BPIFB1: variants seen among roughly 807,000 people sequenced by gnomAD.
BPIFB1 encodes BPI fold-containing family B member 1.
BPIFB1 carries 34 observed loss-of-function variants against 55.1 expected under a neutral mutation model. The ratio of observed to expected loss-of-function variants is 0.62; its 90% CI spans 0.47 to 0.82. The LOEUF is 0.82. BPIFB1 is among the 40% of genes least tolerant of loss of function. The pLI, the probability that BPIFB1 is intolerant of heterozygous loss-of-function variation, is 0.00. For synonymous variants in BPIFB1, 236 were observed against 245.3 expected, an observed-to-expected ratio of 0.96 and a Z score of 0.35; for missense variants, 532 against 593.1, an observed-to-expected ratio of 0.90 and a Z score of 1.07.
At position 33,308,467 on chromosome 20, in the gene BPIFB1, C is replaced by T. The variant is rs565327739; in HGVS notation, c.1396-1241C>T. Among the ~76,000 whole-genome samples, 3 of 151,618 alleles carry T rather than the reference C, an allele frequency of 2.0e-5. No homozygotes were observed. In the South Asian group the frequency reaches 6.3e-4, roughly 32 times the overall value. On this transcript the variant is annotated intron_variant, in intron 15 of 15. Coordinates refer to ENST00000253354, the MANE Select transcript of BPIFB1 (RefSeq NM_033197.3). ...ACACACATATACACACACACACGCA[C>T]ACCTTTATACACCTATACACATACA...
chr20:33,297,412 G>C, intron 6 of BPIFB1, 113 bp from the exon 7 acceptor site: 1 of 1,135,800 alleles, frequency 8.8e-7, no homozygotes, highest in Non-Finnish European at 1.3e-6. Context: ...AACCTGGCTG[G>C]CCATGGGCAC....
chr20:33,302,565 G>A (rs374607370), intron 10 of BPIFB1, 153 bp downstream of exon 10: 1 of 844,676 alleles, frequency 1.2e-6, no homozygotes. Context: ...AGTCTAGCAG[G>A]CCAGTTTGAC....
At position 33,301,368 on chromosome 20, in the gene BPIFB1, G is replaced by T. The variant is rs757178808; in HGVS notation, c.883G>T (p.Ala295Ser). Reference sequence around the variant, plus strand: ...GGACGTGGTGAAAGCTGCAGTGGCTGCTGTGCTCTCTCCAGAAGAATTCAT... The same window carrying T: ...GGACGTGGTGAAAGCTGCAGTGGCTTCTGTGCTCTCTCCAGAAGAATTCAT... ...SQDVVKAAVA[A>S]VLSPEEFMVL... is the part of the protein sequence containing the mutation. Residue 295 changes from alanine (A) to serine (S), a missense_variant, in exon 9 of 16, where the codon GCT becomes TCT. Ala to Ser is a moderately conservative substitution (Grantham distance 99, BLOSUM62 1). Transcript: ENST00000253354. 15 of 1,614,078 alleles carry T rather than the reference G, an allele frequency of 9.3e-6. No homozygotes were observed. The East Asian group carries it at 2.9e-4, about 31-fold the overall frequency.
chr20:33,294,425 T>C (rs1243506879), intron 6 of BPIFB1, among the ~76,000 whole-genome samples: 1 of 152,166 alleles, frequency 6.6e-6, no homozygotes, highest in Admixed American at 6.5e-5. Context: ...TGGCTTCTTA[T>C]AGGTAGAATG....
chr20:33,291,167 G>C, intron 5 of BPIFB1, 61 bp downstream of exon 5: 1 of 1,580,752 alleles, frequency 6.3e-7, no homozygotes, highest in Admixed American at 1.7e-5. Flanking sequence ...CCAGGCAGTG[G>C]ACTTCCCCCA....
At chr20:33,292,178 T>C (rs1980496734) in intron 6 of BPIFB1, among the ~76,000 whole-genome samples, 190 bp downstream of exon 6, 1 of 152,214 alleles carries the variant, frequency 6.6e-6, no homozygotes, top group Non-Finnish European at 1.5e-5. Context: ...GGCAAGGTCA[T>C]GGGACTGCTA....
intron 6 of BPIFB1, among the ~76,000 whole-genome samples, chr20:33,293,285 C>G (rs896862558): frequency 3.9e-5 from 6 of 152,126 alleles, no homozygotes; most frequent in Admixed American, 1.3e-4. Flanking sequence ...AATCCATAAT[C>G]CTTTTACTTT....
intron 7 of BPIFB1, among the ~76,000 whole-genome samples, chr20:33,299,435 C>T (rs759243043): frequency 1.3e-5 from 2 of 152,226 alleles, no homozygotes; most frequent in Non-Finnish European, 2.9e-5. Context: ...GATCCAGGTG[C>T]TCATAGGGTG....
intron 13 of BPIFB1, 132 bp from the exon 14 acceptor site, chr20:33,305,870 A>T: frequency 9.9e-7 from 1 of 1,010,792 alleles, no homozygotes; most frequent in Non-Finnish European, 1.5e-6. Context: ...AGCTCTGATC[A>T]GCAGGGGACC....
chr20:33,287,617 G>A (rs1407062744), intron 2 of BPIFB1, among the ~76,000 whole-genome samples: 1 of 152,216 alleles, frequency 6.6e-6, no homozygotes, highest in East Asian at 1.9e-4. Flanking sequence ...GTGTGGTGGA[G>A]AAGTTTGCTG....
At chr20:33,285,531 G>C (rs1444068417) in intron 1 of BPIFB1, among the ~76,000 whole-genome samples, 1 of 151,496 alleles carries the variant, frequency 6.6e-6, no homozygotes, top group Non-Finnish European at 1.5e-5. Flanking sequence ...GGCTAACACG[G>C]TGAAACCCCG....
At chr20:33,300,098 G>A in intron 8 of BPIFB1, 114 bp downstream of exon 8, 2 of 871,354 alleles carry the variant, frequency 2.3e-6, no homozygotes, top group South Asian at 2.8e-5. Context: ...TCACCATTAG[G>A]ACACGGGCTG....
At chr20:33,284,088 G>A (rs1409845000) in intron 1 of BPIFB1, among the ~76,000 whole-genome samples, 1 of 152,196 alleles carries the variant, frequency 6.6e-6, no homozygotes, top group Non-Finnish European at 1.5e-5. Context: ...TATCGTGGAA[G>A]CTACCATCTA....
chr20:33,307,295 T>C (rs966090602), intron 15 of BPIFB1: 5 of 321,740 alleles, frequency 1.6e-5, no homozygotes, highest in African/African-American at 8.5e-5. Flanking sequence ...TTCTGAGTGC[T>C]TGAGGCCACC....
chr20:33,297,443 G>T (rs1237947839), intron 6 of BPIFB1, 82 bp from the exon 7 acceptor site: 2 of 1,473,776 alleles, frequency 1.4e-6, no homozygotes, highest in East Asian at 2.3e-5. Flanking sequence ...CACAGGCCAG[G>T]TGGGCTGGGC....
At chr20:33,306,728 G>A in intron 14 of BPIFB1, 183 bp from the exon 15 acceptor site, 1 of 611,840 alleles carries the variant, frequency 1.6e-6, no homozygotes, top group South Asian at 1.9e-5. Flanking sequence ...CAGTGCCAGA[G>A]GCAAAGGGAG....
Position 33,299,477 on chromosome 20 carries a change from C to T in BPIFB1, c.662-422C>T, listed in dbSNP as rs564533869. The stretch of plus-strand genomic sequence containing the variant: ...CCCAGAACCACCTGCATGGGGGACG[C>T]GGCTTTCAGTCTGGTAGGGGCGGTG... On this transcript the variant is annotated intron_variant, in intron 7 of 15. Transcript: ENST00000253354. Among the ~76,000 whole-genome samples, 5 of 152,330 alleles carry T rather than the reference C, an allele frequency of 3.3e-5. No homozygotes were observed. In the South Asian group the frequency reaches 6.2e-4, roughly 19 times the overall value.
chr20:33,297,685 G>A (rs753131245), intron 7 of BPIFB1, 97 bp downstream of exon 7: 3 of 1,259,332 alleles, frequency 2.4e-6, no homozygotes, highest in African/African-American at 2.9e-5. Flanking sequence ...AGTCAGGCCT[G>A]AGCTGCAACT....
chr20:33,284,488 C>G (rs1021474100), intron 1 of BPIFB1, among the ~76,000 whole-genome samples: 1 of 152,190 alleles, frequency 6.6e-6, no homozygotes, highest in Non-Finnish European at 1.5e-5. Context: ...AGACCCAGCC[C>G]TCCCTCCCAG....
Sources: allele counts gnomAD v4.1 joint callset (sites outside exome capture counted in the v4.1 genomes callset), GRCh38; gene constraint gnomAD v4.1.1; transcripts MANE v1.5; gene names NCBI Gene and HGNC (gene_info 2026-07-23, HGNC 2026-07-21).